CLN8: variants seen among roughly 807,000 people sequenced by gnomAD.
The protein encoded by CLN8 is CLN8 transmembrane ER and ERGIC protein.
CLN8 carries 14 observed loss-of-function variants against 15.7 expected under a neutral mutation model. That is an observed-to-expected ratio of 0.89 (90% CI 0.59 to 1.39). The LOEUF (loss-of-function observed/expected upper bound fraction) is 1.39. Ranked by LOEUF, CLN8 falls within the 40% of genes most tolerant of loss-of-function variation. The probability of loss-of-function intolerance (pLI) is 0.00; values close to 1 mark genes in which losing one functional copy is unlikely to be tolerated. For missense variants in CLN8, 415 were observed against 364.0 expected (o/e 1.14, Z -1.14); for synonymous variants, 188 against 151.0 (o/e 1.25, Z -1.80).
intron 2 of CLN8, among the ~76,000 whole-genome samples, chr8:1,775,430 A>G (rs1182015512): frequency 6.6e-6 from 1 of 152,204 alleles, no homozygotes; most frequent in Admixed American, 6.5e-5. Flanking sequence ...GTTATGTCAC[A>G]GATTTTGTTC....
chr8:1,757,017 C>T (rs1800687119), intron 1 of CLN8, among the ~76,000 whole-genome samples: 1 of 152,094 alleles, frequency 6.6e-6, no homozygotes, highest in Non-Finnish European at 1.5e-5. Flanking sequence ...CACTAAAGTC[C>T]TTTAGGTCAC....
intron 1 of CLN8, among the ~76,000 whole-genome samples, chr8:1,766,787 C>T (rs1563104377): frequency 6.6e-6 from 1 of 152,230 alleles, no homozygotes; most frequent in African/African-American, 2.4e-5. Flanking sequence ...TTATGGTGCA[C>T]AGCAAGGGAA....
At chr8:1,755,484 A>G (rs1248920506), upstream of CLN8, among the ~76,000 whole-genome samples, 1 of 152,136 alleles carries the variant, frequency 6.6e-6, no homozygotes, top group African/African-American at 2.4e-5. Flanking sequence ...CCCACAAGAT[A>G]CAAGTGCCTC....
intron 2 of CLN8, among the ~76,000 whole-genome samples, chr8:1,772,235 C>G (rs983393627): frequency 2.0e-5 from 3 of 152,064 alleles, no homozygotes; most frequent in African/African-American, 7.2e-5. Flanking sequence ...CGTGCCTGGC[C>G]TCTTTTAATA....
chr8:1,776,848 A>G (rs942141171), intron 2 of CLN8, among the ~76,000 whole-genome samples: 16 of 152,180 alleles, frequency 1.1e-4, no homozygotes, highest in Non-Finnish European at 2.9e-5. Flanking sequence ...GTCCTACTGA[A>G]GTCCCATCAT....
At chr8:1,769,438 A>G (rs2130985251) in intron 1 of CLN8, among the ~76,000 whole-genome samples, 1 of 152,244 alleles carries the variant, frequency 6.6e-6, no homozygotes, top group South Asian at 2.1e-4. Context: ...TCTCTTCCGG[A>G]GAGCAGAGGG....
upstream of CLN8, among the ~76,000 whole-genome samples, chr8:1,755,359 C>G (rs898871751): frequency 4.0e-4 from 61 of 152,172 alleles, no homozygotes; most frequent in African/African-American, 1.4e-3. Flanking sequence ...CCACCCGACT[C>G]CCCTCGCTCT....
rs4875958 is a variant in CLN8 at position 1,772,924 on chromosome 8, G to A, written c.543+1327G>A. 280,402 of 398,362 alleles carry A rather than the reference G, an allele frequency of 0.7. 99,153 individuals carry two copies. The highest frequency in any genetic ancestry group is 0.77 in the South Asian group (6,031 of 7,848). 24.7% of individuals were successfully genotyped at this position (398,362 alleles called of 1,614,324 possible). A position where few individuals can be genotyped will look rare whatever the true frequency, so the allele number is the denominator to read the frequency against. ...GTTACTGCACATTTCTTGTCTACAG[G>A]AGACTGGTAGCCTCGAGAGGAAAAA... On this transcript the variant is annotated intron_variant, in intron 2 of 2. Coordinates refer to ENST00000331222, the MANE Select transcript of CLN8 (RefSeq NM_018941.4).
chr8:1,776,626 T>A (rs1056985718), intron 2 of CLN8, among the ~76,000 whole-genome samples: 1 of 152,252 alleles, frequency 6.6e-6, no homozygotes, highest in Non-Finnish European at 1.5e-5. Flanking sequence ...GAGCATTGTC[T>A]TTCCTTTGGT....
At chr8:1,768,394 C>T (rs1345408686) in intron 1 of CLN8, among the ~76,000 whole-genome samples, 1 of 152,230 alleles carries the variant, frequency 6.6e-6, no homozygotes, top group Non-Finnish European at 1.5e-5. Flanking sequence ...GGGCTCACCA[C>T]TTCCACTGAG....
At chr8:1,755,556 G>A (rs7831256), upstream of CLN8, among the ~76,000 whole-genome samples, 2,241 of 152,196 alleles carry the variant, frequency 0.015, 54 homozygotes, top group African/African-American at 0.052. Context: ...ACACCGTGTC[G>A]CAGGTCCTGA....
At chr8:1,772,220 G>T (rs1021504783) in intron 2 of CLN8, among the ~76,000 whole-genome samples, 3 of 152,126 alleles carry the variant, frequency 2.0e-5, no homozygotes, top group Non-Finnish European at 4.4e-5. Context: ...ACAAATGTGA[G>T]CCACCGTGCC....
chr8:1,767,040 G>A (rs1203854308), intron 1 of CLN8, among the ~76,000 whole-genome samples: 1 of 152,216 alleles, frequency 6.6e-6, no homozygotes, highest in Non-Finnish European at 1.5e-5. Context: ...AGGACTCCAG[G>A]AAGACTGGGC....
At chr8:1,774,411 C>G (rs1303323497) in intron 2 of CLN8, among the ~76,000 whole-genome samples, 5 of 152,132 alleles carry the variant, frequency 3.3e-5, no homozygotes, top group Non-Finnish European at 7.3e-5. Context: ...AGTTGAAATA[C>G]TAATAAATGC....
chr8:1,762,092 AAGT>A (rs1175318373), upstream of CLN8: 5 of 152,262 alleles, frequency 3.3e-5, no homozygotes, highest in Non-Finnish European at 7.3e-5. Context: ...TGGAGGTTAA[AAGT>A]AGGATGGAGT....
rs151248183 is a variant in CLN8 at position 1,771,739 on chromosome 8, C to T, written c.543+142C>T. 4.0e-5 allele frequency: 31 copies of T among 771,748 alleles called. No homozygotes were observed. The East Asian group carries it at 8.0e-4, about 20-fold the overall frequency. 47.8% of individuals were successfully genotyped at this position (771,748 alleles called of 1,614,324 possible). ...GTTACAAACTCATTTTAGTTGAATGCAATATTCTGGTTTTGTTTATTTATT... is the reference window on the plus strand; with the variant it reads ...GTTACAAACTCATTTTAGTTGAATGTAATATTCTGGTTTTGTTTATTTATT... On this transcript the variant is annotated intron_variant, in intron 2 of 2. Coordinates refer to ENST00000331222, the MANE Select transcript of CLN8 (RefSeq NM_018941.4).
intron 2 of CLN8, chr8:1,773,626 G>C (rs965707855): frequency 6.6e-6 from 1 of 152,286 alleles, no homozygotes; most frequent in African/African-American, 2.4e-5. Context: ...TTCTCTTTGT[G>C]GGCGTTATTT....
At chr8:1,776,975 G>A (rs1308059834) in intron 2 of CLN8, among the ~76,000 whole-genome samples, 3 of 152,192 alleles carry the variant, frequency 2.0e-5, no homozygotes, top group Non-Finnish European at 4.4e-5. Context: ...AGTACACAGC[G>A]TGTGATACCG....
intron 1 of CLN8, among the ~76,000 whole-genome samples, chr8:1,769,093 G>A (rs1163747326): frequency 6.6e-6 from 1 of 152,164 alleles, no homozygotes; most frequent in Non-Finnish European, 1.5e-5. Flanking sequence ...CCCCACATCA[G>A]ATTTGTGTTC....
Sources: allele counts gnomAD v4.1 joint callset (sites outside exome capture counted in the v4.1 genomes callset), GRCh38; gene constraint gnomAD v4.1.1; transcripts MANE v1.5; gene names NCBI Gene and HGNC (gene_info 2026-07-23, HGNC 2026-07-21).